Variants in LARP4 observed in about 807,000 individuals in gnomAD.
LARP4 encodes the protein La ribonucleoprotein 4.
A neutral mutation model predicts 92.9 loss-of-function variants in LARP4; 29 were observed. That is an observed-to-expected ratio of 0.31 (90% CI 0.23 to 0.43). LARP4 has a LOEUF of 0.43. Ranked by LOEUF, LARP4 falls within the 20% of genes least tolerant of loss-of-function variation. The pLI is 1.00. For missense variants in LARP4, 732 were observed against 860.0 expected, an observed-to-expected ratio of 0.85 and a Z score of 1.86; for synonymous variants, 279 against 284.1, an observed-to-expected ratio of 0.98 and a Z score of 0.18.
rs1944954676 is a variant in LARP4, at chr12:50,406,937, C to CA, written c.18+5912dup. 2.0e-5 allele frequency among the ~76,000 whole-genome samples: 3 copies of CA among 152,128 alleles called. No homozygotes were observed. The South Asian group carries it at 6.2e-4, about 32-fold the overall frequency. On this transcript the variant is annotated intron_variant, in intron 1 of 15. Coordinates refer to ENST00000398473, the MANE Select transcript of LARP4 (RefSeq NM_052879.5). Reference sequence around the variant, plus strand: ...TTCGCCATGTTGGCCAAGCTGGTCTCAAACTCCTAACCTCAGATCTACCTG... The same window carrying CA: ...TTCGCCATGTTGGCCAAGCTGGTCTCAAAACTCCTAACCTCAGATCTACCTG...
intron 1 of LARP4, among the ~76,000 whole-genome samples, chr12:50,417,665 T>C (rs998386151): frequency 6.6e-6 from 1 of 152,212 alleles, no homozygotes; most frequent in African/African-American, 2.4e-5. Flanking sequence ...AAGCACTGCA[T>C]AGCAAGACTT....
chr12:50,420,614 C>T (rs763795183), intron 1 of LARP4, among the ~76,000 whole-genome samples: 37 of 152,118 alleles, frequency 2.4e-4, no homozygotes, highest in Non-Finnish European at 3.8e-4. Flanking sequence ...TGGCTGATTG[C>T]TTGTTAGCCA....
chr12:50,456,149 TC>T (rs1411556761), intron 10 of LARP4, among the ~76,000 whole-genome samples: 1 of 152,164 alleles, frequency 6.6e-6, no homozygotes, highest in African/African-American at 2.4e-5. Context: ...TTTACTTGGC[TC>T]CATGGTTATT....
chr12:50,420,946 G>GGTTT (rs1592885035), intron 1 of LARP4: 1 of 44,624 alleles, frequency 2.2e-5, no homozygotes, highest in Non-Finnish European at 6.9e-5. Flanking sequence ...AATAACCTTT[G>GGTTT]CTTTTTTTTT....
chr12:50,424,341 G>T (rs1012600018), intron 1 of LARP4, among the ~76,000 whole-genome samples: 17 of 151,912 alleles, frequency 1.1e-4, no homozygotes, highest in African/African-American at 3.9e-4. Context: ...CTGCACTCCA[G>T]CCTGGACAAC....
intron 11 of LARP4, 152 bp downstream of exon 11, chr12:50,461,499 T>G: frequency 1.2e-6 from 1 of 838,928 alleles, no homozygotes; most frequent in Non-Finnish European, 1.8e-6. Context: ...ATGAGTTGGT[T>G]GCTTTTTATA....
intron 1 of LARP4, among the ~76,000 whole-genome samples, chr12:50,423,621 G>T (rs1383515882): frequency 6.6e-6 from 1 of 151,924 alleles, no homozygotes; most frequent in Admixed American, 6.6e-5. Context: ...GCTAATGTTT[G>T]TATTTTTAGT....
intron 11 of LARP4, 85 bp from the exon 12 acceptor site, chr12:50,462,497 C>T (rs908882152): frequency 7.8e-5 from 63 of 803,410 alleles, no homozygotes; most frequent in Middle Eastern, 7.4e-4. Flanking sequence ...AAAATGTGTA[C>T]GGCTTTGATA....
intron 1 of LARP4, 91 bp downstream of exon 1, chr12:50,401,119 C>G (rs371437362): frequency 3.4e-6 from 5 of 1,460,778 alleles, no homozygotes; most frequent in East Asian, 4.5e-5. Flanking sequence ...CTTTCCGGGC[C>G]GTACACGCCG....
chr12:50,430,465 C>CT, intron 3 of LARP4, 30 bp from the exon 4 acceptor site: 7 of 1,372,348 alleles, frequency 5.1e-6, no homozygotes, highest in East Asian at 2.3e-5. Flanking sequence ...ATGCTATTAA[C>CT]TTTTTTTCCC....
chr12:50,438,492 C>CAA (rs11429986), intron 6 of LARP4, among the ~76,000 whole-genome samples: 12,325 of 139,716 alleles, frequency 0.088, 625 homozygotes, highest in Middle Eastern at 0.13. Context: ...CTCTTTGTCT[C>CAA]AAAAAAAAAA....
chr12:50,426,822 T>C (rs1249291016), intron 1 of LARP4, among the ~76,000 whole-genome samples: 4 of 144,976 alleles, frequency 2.8e-5, no homozygotes, highest in Non-Finnish European at 1.5e-5. Context: ...CACTGCAACC[T>C]CTGTCTCCCA....
At chr12:50,411,800 C>T (rs1291137667) in intron 1 of LARP4, among the ~76,000 whole-genome samples, 1 of 152,124 alleles carries the variant, frequency 6.6e-6, no homozygotes, top group African/African-American at 2.4e-5. Context: ...CCTGCCTCAG[C>T]GTCCCGAGTA....
At chr12:50,436,174 GTA>G (rs10599634) in intron 5 of LARP4, among the ~76,000 whole-genome samples, 107,624 of 136,578 alleles carry the variant, frequency 0.79, 45,123 homozygotes, top group Non-Finnish European at 0.93. Context: ...GTGTGTGTAT[GTA>G]TATATATATA....
intron 13 of LARP4, among the ~76,000 whole-genome samples, chr12:50,468,178 C>T (rs1956413020): frequency 6.6e-6 from 1 of 152,158 alleles, no homozygotes; most frequent in Non-Finnish European, 1.5e-5. Flanking sequence ...CAGGGTTTCT[C>T]CATGTTGGCC....
At position 50,461,292 on chromosome 12, in the gene LARP4, C is replaced by G; in HGVS notation, c.1279C>G (p.Gln427Glu). 4 of 1,614,072 alleles carry G rather than the reference C, an allele frequency of 2.5e-6. No individual in the cohort carries two copies. Among genetic ancestry groups the G allele is most frequent in the Non-Finnish European group, 3.4e-6 (4 of 1,179,994 alleles). The change falls in exon 11 of 16, where the codon CAG becomes GAG. Residue 427 changes from glutamine (Q) to glutamate (E), a missense_variant. By Grantham distance (29) the Gln-to-Glu change is conservative. Coordinates refer to ENST00000398473, the MANE Select transcript of LARP4 (RefSeq NM_052879.5). Reference protein sequence around the residue: ...VTGHQEQTYLQKETSTLQVEQ... With the variant: ...VTGHQEQTYLEKETSTLQVEQ... ...TGGGCATCAGGAGCAAACTTACCTT[C>G]AGAAGGAGACTTCCACTTTGCAGGT... is the stretch of plus-strand genomic sequence containing the variant.
Position 50,462,611 on chromosome 12 carries a change from G to C in LARP4, c.1364G>C (p.Arg455Pro). The C allele has an allele frequency of 7.5e-7, 1 of 1,342,268 alleles. No homozygotes were observed. Among genetic ancestry groups the C allele is most frequent in the South Asian group, 1.2e-5 (1 of 84,022 alleles). 83.1% of individuals were successfully genotyped at this position (1,342,268 alleles called of 1,614,324 possible). The change falls in exon 12 of 16, where the codon CGA becomes CCA. Residue 455 changes from arginine (R) to proline (P), a missense_variant. Physicochemically the swap from Arg to Pro is moderately radical, Grantham distance 103 (BLOSUM62 -2). Around this residue, in one of 7 missense-constraint regions of LARP4, gnomAD observed 264 missense variants for 269.5 expected, o/e 0.98. Transcript: ENST00000398473. The part of the protein sequence containing the change: ...RRTLFRGRRR[R>P]EDDRISRPHP... ...ACTCTCTTCAGAGGTCGAAGACGAC[G>C]AGAAGATGACAGGATCTCAGTAAGT... is the stretch of plus-strand genomic sequence containing the variant.
Position 50,454,322 on chromosome 12 carries a change from T to A in LARP4, c.1026T>A (p.Phe342Leu), listed in dbSNP as rs1409401460. ...CATACATTTTTTTCTAGGCTCCCTT[T>A]CCCAATGGTAGTTTTGTGAATGGCT... ...TPYFETPLAP[F>L]PNGSFVNGFN... The change falls in exon 10 of 16, where the codon TTT becomes TTA. Residue 342 changes from phenylalanine to leucine, a missense_variant. Transcript: ENST00000398473. 2 of 1,611,824 alleles carry A rather than the reference T, an allele frequency of 1.2e-6. No homozygotes were observed. Among genetic ancestry groups the A allele is most frequent in the African/African-American group, 1.3e-5 (1 of 74,864 alleles).
chr12:50,475,490 G>T (rs759706513), intron 15 of LARP4, 36 bp from the exon 16 acceptor site: 13 of 1,456,220 alleles, frequency 8.9e-6, no homozygotes, highest in Non-Finnish European at 1.2e-5. Flanking sequence ...TAAAGAATGT[G>T]TACCATAAAT....
Sources: allele counts gnomAD v4.1 joint callset (sites outside exome capture counted in the v4.1 genomes callset), GRCh38; gene constraint gnomAD v4.1.1; regional missense constraint gnomAD v4.1.1; transcripts MANE v1.5; gene names NCBI Gene and HGNC (gene_info 2026-07-23, HGNC 2026-07-21).